Variants in AKAP12 observed in about 807,000 individuals in gnomAD.
AKAP12 encodes A-kinase anchoring protein 12.
AKAP12 carries 32 observed loss-of-function variants against 79.9 expected under a neutral mutation model. That is an observed-to-expected ratio of 0.40 (90% CI 0.30 to 0.54). The LOEUF (loss-of-function observed/expected upper bound fraction) is 0.54. AKAP12 is among the 20% of genes least tolerant of loss of function. AKAP12 has a pLI of 0.48. For missense variants in AKAP12, 2,074 were observed against 2,177.0 expected, an observed-to-expected ratio of 0.95 and a Z score of 0.94; for synonymous variants, 808 against 857.0, an observed-to-expected ratio of 0.94 and a Z score of 1.00.
intron 3 of AKAP12, among the ~76,000 whole-genome samples, chr6:151,326,818 G>GTT (rs35733082): frequency 2.6e-5 from 4 of 151,424 alleles, no homozygotes; most frequent in African/African-American, 9.7e-5. Context: ...TTGTTTGTTT[G>GTT]TTTTTTGTTT....
chr6:151,353,797 A>G (rs1292326036), intron 4 of AKAP12, 45 bp downstream of exon 4: 2 of 1,341,704 alleles, frequency 1.5e-6, no homozygotes, highest in East Asian at 2.5e-5. Flanking sequence ...TTTTATGCCA[A>G]TAGATGGCAA....
chr6:151,321,905 T>TG (rs758262200), intron 3 of AKAP12, among the ~76,000 whole-genome samples: 5,402 of 128,276 alleles, frequency 0.042, 384 homozygotes, highest in African/African-American at 0.15. Flanking sequence ...AGCTTTATGT[T>TG]TTTTTTTTTT....
chr6:151,266,679 T>G (rs1776035977), intron 2 of AKAP12, among the ~76,000 whole-genome samples: 1 of 152,138 alleles, frequency 6.6e-6, no homozygotes, highest in South Asian at 2.1e-4. Context: ...CCATAAAATG[T>G]TTGTTACAAA....
At chr6:151,288,602 T>C (rs1467787518) in intron 2 of AKAP12, among the ~76,000 whole-genome samples, 1 of 152,170 alleles carries the variant, frequency 6.6e-6, no homozygotes, top group Non-Finnish European at 1.5e-5. Context: ...GATAGAGTTA[T>C]AGTGAAGGAT....
chr6:151,316,986 T>TA (rs1777251677), intron 3 of AKAP12, among the ~76,000 whole-genome samples: 2 of 152,162 alleles, frequency 1.3e-5, no homozygotes, highest in Admixed American at 6.6e-5. Flanking sequence ...CATTTTAACT[T>TA]AGTCACTTCG....
chr6:151,249,079 A>G (rs770724313), intron 2 of AKAP12, among the ~76,000 whole-genome samples: 2 of 152,008 alleles, frequency 1.3e-5, no homozygotes, highest in African/African-American at 2.4e-5. Flanking sequence ...CCGTATCCCT[A>G]CTGAGCCAGA....
At chr6:151,275,813 A>G (rs762949995) in intron 2 of AKAP12, among the ~76,000 whole-genome samples, 10 of 151,938 alleles carry the variant, frequency 6.6e-5, no homozygotes, top group Non-Finnish European at 1.3e-4. Flanking sequence ...TGTATTTTCC[A>G]CTCCAGTGTG....
At chr6:151,342,060 G>T (rs966275063) in intron 3 of AKAP12, among the ~76,000 whole-genome samples, 1 of 152,234 alleles carries the variant, frequency 6.6e-6, no homozygotes, top group African/African-American at 2.4e-5. Flanking sequence ...CGGGGGGTTG[G>T]AATGGACATG....
In AKAP12 at chr6:151,313,403, A is replaced by G. The variant is rs949712067; in HGVS notation, c.319+7500A>G. Among the ~76,000 whole-genome samples the G allele has an allele frequency of 6.6e-5, 10 of 152,240 alleles. No individual in the cohort carries two copies. The East Asian group carries it at 1.2e-3, about 18-fold the overall frequency. ...GTTTTGAAGACTGGAGGGAACACAC[A>G]CAAAATAGGCCTTGAACTTAGGTAA... On this transcript the variant is annotated intron_variant, in intron 3 of 4. Transcript: ENST00000402676.
intron 2 of AKAP12, among the ~76,000 whole-genome samples, chr6:151,289,548 A>G (rs1776571259): frequency 1.3e-5 from 2 of 152,200 alleles, no homozygotes; most frequent in Non-Finnish European, 2.9e-5. Context: ...GTACATAGTC[A>G]CTTCTTAAGA....
At chr6:151,309,291 AC>A (rs3215534) in intron 3 of AKAP12, among the ~76,000 whole-genome samples, 1 of 152,316 alleles carries the variant, frequency 6.6e-6, no homozygotes, top group East Asian at 1.9e-4. Context: ...GATTTGGGAC[AC>A]CTTTGTTTCT....
chr6:151,308,948 C>T (rs141307665), intron 3 of AKAP12, among the ~76,000 whole-genome samples: 1 of 152,278 alleles, frequency 6.6e-6, no homozygotes, highest in Non-Finnish European at 1.5e-5. Context: ...GATCTTGGCT[C>T]ACTGCAGTTT....
At chr6:151,308,799 G>A (rs980316236) in intron 3 of AKAP12, among the ~76,000 whole-genome samples, 3 of 152,232 alleles carry the variant, frequency 2.0e-5, no homozygotes, top group Non-Finnish European at 4.4e-5. Flanking sequence ...TGTAAATACA[G>A]ACAGAATCTT....
At chr6:151,245,656 C>CAAAAAAAA (rs10700236) in intron 2 of AKAP12, among the ~76,000 whole-genome samples, 2 of 99,130 alleles carry the variant, frequency 2.0e-5, no homozygotes, top group South Asian at 4.1e-4. Flanking sequence ...GACTCCGTCT[C>CAAAAAAAA]AAAAAAAAAA....
Position 151,351,776 on chromosome 6 carries a change from A to G in AKAP12, c.3385A>G (p.Ser1129Gly). ...TGAAAAAGCTCCTCAAGTCACAGAG[A>G]GCATAGAGTCCAGTGAGCTTGTAAC... is the stretch of plus-strand genomic sequence containing the variant. ...SFEKAPQVTE[S>G]IESSELVTTC... Residue 1129 changes from serine (S) to glycine (G), a missense_variant, in exon 4 of 5, where the codon AGC (serine) becomes GGC (glycine). Physicochemically the swap from Ser to Gly is moderately conservative, Grantham distance 56. This residue lies in a region of AKAP12 where 1,428 missense variants were observed against 1,451.0 expected (regional missense o/e 0.98). Transcript: ENST00000402676. This position sits in a 1 kb window ranked among gnomAD's most constrained non-coding sequence, Gnocchi z 4.4. The G allele has an allele frequency of 6.2e-7, 1 of 1,614,132 alleles. No homozygotes were observed.
intron 2 of AKAP12, among the ~76,000 whole-genome samples, chr6:151,269,881 C>T (rs1208927374): frequency 1.3e-5 from 2 of 152,182 alleles, no homozygotes; most frequent in African/African-American, 4.8e-5. Flanking sequence ...TCTGCATTTC[C>T]CACTCCCCTC....
intron 2 of AKAP12, among the ~76,000 whole-genome samples, chr6:151,301,159 C>T (rs1776856775): frequency 6.6e-6 from 1 of 152,190 alleles, no homozygotes; most frequent in African/African-American, 2.4e-5. Flanking sequence ...CGCCTCCTGT[C>T]CCATGTGCCA....
At chr6:151,354,442 C>G (rs960418811) in intron 4 of AKAP12, among the ~76,000 whole-genome samples, 1 of 152,100 alleles carries the variant, frequency 6.6e-6, no homozygotes, top group Non-Finnish European at 1.5e-5. Flanking sequence ...GGCGCGATCT[C>G]GGCTCACTGC....
intron 2 of AKAP12, among the ~76,000 whole-genome samples, chr6:151,259,432 G>GTGTATATATATATATACA (rs1797367398): frequency 1.4e-5 from 2 of 147,920 alleles, no homozygotes; most frequent in Non-Finnish European, 3.0e-5. Context: ...ATATATGTGT[G>GTGTATATATATATATACA]TGTATATATG....
Sources: gnomAD v4.1 joint callset for allele counts (sites outside exome capture counted in the v4.1 genomes callset) on GRCh38, gnomAD v4.1.1 for gene constraint, gnomAD v4.1.1 regional missense constraint, Gnocchi (gnomAD v3.1) non-coding constraint, MANE v1.5 for transcripts, NCBI Gene and HGNC (gene_info 2026-07-23, HGNC 2026-07-21) for gene names.